DDX24: variants seen among roughly 807,000 people sequenced by gnomAD.
DDX24 encodes the protein ATP-dependent RNA helicase DDX24.
DDX24 carries 24 observed loss-of-function variants against 68.9 expected under a neutral mutation model. The observed-to-expected ratio is 0.35, with a 90% CI of 0.25 to 0.49. The LOEUF is 0.49. DDX24 is among the 20% of genes least tolerant of loss of function. DDX24 has a pLI of 0.99. For synonymous variants in DDX24, 395 were observed against 385.2 expected (o/e 1.03, Z -0.30); for missense variants, 989 against 1,039.0 (o/e 0.95, Z 0.66).
Position 94,057,849 on chromosome 14 carries a change from A to G in DDX24, c.1962T>C (p.Pro654=). 4 of 1,614,016 alleles carry G rather than the reference A, an allele frequency of 2.5e-6. No homozygotes were observed. The highest frequency in any genetic ancestry group is 3.4e-6 in the Non-Finnish European group (4 of 1,179,928). The change falls in exon 6 of 9, where the codon CCT becomes CCC. Residue 654 remains proline (P), a synonymous_variant. Coordinates refer to ENST00000621632, the MANE Select transcript of DDX24 (RefSeq NM_020414.4). ...TDVAARGLDI[P]KVQHVIHYQV... is the part of the protein sequence containing the mutation. ...GGTAATGGATGACATGCTGGACTTT[A>G]GGAATATCCAGACCCCGAGCTGCCA...
chr14:94,067,176 T>C (rs1211840568), intron 2 of DDX24, among the ~76,000 whole-genome samples: 3 of 152,000 alleles, frequency 2.0e-5, no homozygotes, highest in Admixed American at 6.5e-5. Context: ...GACATACTTT[T>C]AGAAATGTGA....
intron 7 of DDX24, 119 bp downstream of exon 7, chr14:94,054,877 T>C: frequency 8.8e-7 from 1 of 1,134,282 alleles, no homozygotes; most frequent in East Asian, 2.4e-5. Context: ...CTTGTTCAGC[T>C]GTTGGCAGAA....
At chr14:94,074,640 C>T (rs976336866) in intron 2 of DDX24, among the ~76,000 whole-genome samples, 1 of 152,152 alleles carries the variant, frequency 6.6e-6, no homozygotes, top group African/African-American at 2.4e-5. Context: ...TAAATGTTTT[C>T]CCCAGAAGAT....
intron 2 of DDX24, among the ~76,000 whole-genome samples, chr14:94,074,524 C>T (rs2141435487): frequency 6.6e-6 from 1 of 152,274 alleles, no homozygotes; most frequent in Non-Finnish European, 1.5e-5. Context: ...ACATCCAACC[C>T]TGATAAAACC....
chr14:94,066,018 A>C (rs1405554725), intron 2 of DDX24, among the ~76,000 whole-genome samples: 1 of 152,208 alleles, frequency 6.6e-6, no homozygotes, highest in South Asian at 2.1e-4. Context: ...TCCTGGCCAG[A>C]ACTCGGGGGA....
chr14:94,072,585 T>C (rs1426797757), intron 2 of DDX24, among the ~76,000 whole-genome samples: 1 of 152,150 alleles, frequency 6.6e-6, no homozygotes, highest in African/African-American at 2.4e-5. Context: ...ATCCCAACAC[T>C]TTGGGAGGCC....
Position 94,060,451 on chromosome 14 carries a change from G to T in DDX24, c.1560C>A (p.Ile520=), listed in dbSNP as rs150012797. Residue 520 remains isoleucine (I), a synonymous_variant, in exon 5 of 9, where the codon ATC becomes ATA. Transcript: ENST00000621632. Reference sequence around the variant, plus strand: ...TTTTCTTGGTGTGCTTCTTATGAAGGATTCGAGCAGGAGCCTGATGCACCA... The same window carrying T: ...TTTTCTTGGTGTGCTTCTTATGAAGTATTCGAGCAGGAGCCTGATGCACCA... ...LTLVHQAPAR[I]LHKKHTKKMD... is the part of the protein sequence containing the mutation. 2.3e-3 allele frequency: 3,684 copies of T among 1,614,116 alleles called. 7 individuals carry two copies. The highest frequency in any genetic ancestry group is 2.6e-3 in the Non-Finnish European group (3,018 of 1,180,016).
At chr14:94,058,720 T>G in intron 5 of DDX24, among the ~76,000 whole-genome samples, 1 of 152,210 alleles carries the variant, frequency 6.6e-6, no homozygotes, top group East Asian at 1.9e-4. Context: ...ACTCCCTGCA[T>G]GTCTGAGCTG....
intron 2 of DDX24, among the ~76,000 whole-genome samples, chr14:94,064,046 G>A (rs2141428195): frequency 6.6e-6 from 1 of 152,308 alleles, no homozygotes; most frequent in Admixed American, 6.5e-5. Flanking sequence ...AAGGAGGGGA[G>A]AAATGGAAAA....
intron 2 of DDX24, among the ~76,000 whole-genome samples, chr14:94,063,487 G>A (rs1885637792): frequency 6.6e-6 from 1 of 152,158 alleles, no homozygotes; most frequent in African/African-American, 2.4e-5. Flanking sequence ...GCATATAAAA[G>A]CTGAAATAAT....
At chr14:94,078,721 TAC>T (rs771450362) in intron 2 of DDX24, among the ~76,000 whole-genome samples, 8 of 152,242 alleles carry the variant, frequency 5.3e-5, no homozygotes, top group Admixed American at 2.0e-4. Context: ...ACTTCCAATG[TAC>T]AGTGTAAGCT....
At chr14:94,081,084 G>C (rs999364757) in intron 1 of DDX24, 35 bp downstream of exon 1, 2 of 152,308 alleles carry the variant, frequency 1.3e-5, no homozygotes, top group African/African-American at 4.8e-5. Flanking sequence ...CCCCTCTCCA[G>C]AGTCGGCTCC....
At position 94,062,397 on chromosome 14, in the gene DDX24, C is replaced by T; in HGVS notation, c.943G>A (p.Ala315Thr). 6.2e-7 allele frequency: 1 copy of T among 1,614,194 alleles called. No individual in the cohort carries two copies. The highest frequency in any genetic ancestry group is 1.1e-5 in the South Asian group (1 of 91,074). The part of the protein sequence containing the change: ...ESEALPSDIA[A>T]EARAKTGGTV... The stretch of plus-strand genomic sequence containing the variant: ...CCTCCAGTCTTGGCTCTGGCCTCGG[C>T]TGCAATATCACTGGGCAGTGCTTCA... Residue 315 changes from alanine (A) to threonine (T), a missense_variant, in exon 3 of 9, where the codon GCC (alanine) becomes ACC (threonine). This residue lies in a region of DDX24 where 691 missense variants were observed against 760.0 expected (regional missense o/e 0.91). Transcript: ENST00000621632.
intron 6 of DDX24, chr14:94,056,884 T>C (rs1449762888): frequency 1.3e-5 from 2 of 152,172 alleles, no homozygotes; most frequent in Admixed American, 6.5e-5. Context: ...ATGTTGATTG[T>C]TGTTGTGAAG....
At chr14:94,078,814 A>G (rs748805897) in intron 2 of DDX24, among the ~76,000 whole-genome samples, 2 of 152,232 alleles carry the variant, frequency 1.3e-5, no homozygotes, top group Non-Finnish European at 2.9e-5. Context: ...AATGGGGTCT[A>G]CAGAGCTGAG....
At position 94,060,712 on chromosome 14, in the gene DDX24, ACG is replaced by A; in HGVS notation, c.1398-101_1398-100del. Reference sequence around the variant, plus strand: ...TCATCCTAAACACACACACACACACACGTACACACCCCACTACCACCACCACC... The same window carrying A: ...TCATCCTAAACACACACACACACACATACACACCCCACTACCACCACCACC... On this transcript the variant is annotated intron_variant, in intron 4 of 8. Transcript: ENST00000621632. 1.2e-5 allele frequency: 17 copies of A among 1,430,614 alleles called. No homozygotes were observed. In the African/African-American group the frequency reaches 1.6e-4, roughly 13 times the overall value. 88.6% of individuals were successfully genotyped at this position (1,430,614 alleles called of 1,614,324 possible). A position where few individuals can be genotyped will look rare whatever the true frequency, so the allele number is the denominator to read the frequency against.
At chr14:94,065,223 T>C (rs560486594) in intron 2 of DDX24, among the ~76,000 whole-genome samples, 1 of 143,142 alleles carries the variant, frequency 7.0e-6, no homozygotes, top group South Asian at 2.2e-4. Flanking sequence ...TAACTTTTGA[T>C]TTTTTTTTTT....
At chr14:94,069,906 T>C (rs1235534738) in intron 2 of DDX24, among the ~76,000 whole-genome samples, 1 of 152,080 alleles carries the variant, frequency 6.6e-6, no homozygotes, top group Admixed American at 6.5e-5. Flanking sequence ...AACATAATAC[T>C]GAATGGGGAA....
chr14:94,062,484 T>G lies in DDX24; in HGVS notation c.856A>C (p.Arg286=). 6.2e-7 allele frequency: 1 copy of G among 1,614,210 alleles called. No individual in the cohort carries two copies. The highest frequency in any genetic ancestry group is 1.1e-5 in the South Asian group (1 of 91,082). ...TCAGCTTCAGCCTTGCCTGGTGATC[T>G]AGTCTCAGCTCCGGCCTCAGTTCTG... is the stretch of plus-strand genomic sequence containing the variant. ...ETRTEAGAET[R]SPGKAEAESD... The change falls in exon 3 of 9, where the codon AGA becomes CGA. Residue 286 remains arginine (R), a synonymous_variant. Transcript: ENST00000621632.
Sources: gnomAD v4.1 joint callset for allele counts (sites outside exome capture counted in the v4.1 genomes callset) on GRCh38, gnomAD v4.1.1 for gene constraint, gnomAD v4.1.1 regional missense constraint, MANE v1.5 for transcripts, NCBI Gene and HGNC (gene_info 2026-07-23, HGNC 2026-07-21) for gene names.